The following SUGCT variants were observed in gnomAD, a reference collection of about 807,000 sequenced individuals.
SUGCT encodes succinyl-CoA:glutarate-CoA transferase, also known as succinyl-CoA:glutarate CoA-transferase.
A neutral mutation model predicts 55.0 loss-of-function variants in SUGCT; 41 were observed. The ratio of observed to expected loss-of-function variants is 0.74; its 90% CI spans 0.58 to 0.97. The LOEUF is 0.97. Ranked by LOEUF, SUGCT falls within the 50% of genes least tolerant of loss-of-function variation. The pLI is 0.00. For synonymous variants in SUGCT, 187 were observed against 200.4 expected, an observed-to-expected ratio of 0.93 and a Z score of 0.56; for missense variants, 568 against 547.8, an observed-to-expected ratio of 1.04 and a Z score of -0.37.
intron 12 of SUGCT, among the ~76,000 whole-genome samples, chr7:40,694,933 A>G (rs902670500): frequency 6.6e-5 from 10 of 152,274 alleles, no homozygotes; most frequent in Admixed American, 6.5e-4. Context: ...TCACTTGGTG[A>G]CCTGCTCAGC....
chr7:40,721,450 T>A (rs1285980411), intron 12 of SUGCT, among the ~76,000 whole-genome samples: 1 of 152,196 alleles, frequency 6.6e-6, no homozygotes, highest in Non-Finnish European at 1.5e-5. Flanking sequence ...TCTCAGAGGA[T>A]CTCACTGTGA....
At chr7:40,898,235 C>T in the SUGCT span, among the ~76,000 whole-genome samples, 5 of 152,102 alleles carry the variant, frequency 3.3e-5, no homozygotes, top group Non-Finnish European at 2.9e-5. Context: ...CAAAGGTTTC[C>T]AGCTTTCACT....
intron 9 of SUGCT, among the ~76,000 whole-genome samples, chr7:40,378,241 G>C (rs1179223265): frequency 6.6e-6 from 1 of 151,212 alleles, no homozygotes; most frequent in African/African-American, 2.4e-5. Context: ...TGGGACTCCT[G>C]TTGTGCACCT....
intron 13 of SUGCT, among the ~76,000 whole-genome samples, chr7:40,838,535 A>T (rs1263301553): frequency 6.6e-6 from 1 of 152,060 alleles, no homozygotes; most frequent in African/African-American, 2.4e-5. Context: ...TTGTGTTTTT[A>T]ATTTCAGTTT....
intron 12 of SUGCT, among the ~76,000 whole-genome samples, chr7:40,630,013 C>T (rs529340629): frequency 4.6e-5 from 7 of 152,264 alleles, no homozygotes; most frequent in Non-Finnish European, 1.0e-4. Flanking sequence ...GGATTACCAG[C>T]CTGTATTGCC....
the SUGCT span, among the ~76,000 whole-genome samples, chr7:40,952,362 G>C: frequency 2.6e-5 from 4 of 151,876 alleles, no homozygotes; most frequent in Non-Finnish European, 5.9e-5. Context: ...CACATGAGAT[G>C]GGTTTCCTGA....
intron 13 of SUGCT, among the ~76,000 whole-genome samples, chr7:40,761,627 G>T (rs905299134): frequency 6.6e-6 from 1 of 152,182 alleles, no homozygotes; most frequent in African/African-American, 2.4e-5. Flanking sequence ...TGCCTAAGAG[G>T]GAGATATCGA....
intron 9 of SUGCT, among the ~76,000 whole-genome samples, chr7:40,442,642 T>G (rs1218992295): frequency 6.6e-6 from 1 of 152,052 alleles, no homozygotes. Flanking sequence ...TACCTGGGAG[T>G]TGGGACTTGC....
chr7:40,685,028 T>G (rs1399041375), intron 12 of SUGCT, among the ~76,000 whole-genome samples: 1 of 151,920 alleles, frequency 6.6e-6, no homozygotes, highest in Non-Finnish European at 1.5e-5. Flanking sequence ...TTTATTTTTA[T>G]TTTTTTTCAG....
chr7:41,021,128 A>C, the SUGCT span, among the ~76,000 whole-genome samples: 1 of 152,202 alleles, frequency 6.6e-6, no homozygotes, highest in African/African-American at 2.4e-5. Context: ...AAGTGTAGGG[A>C]AGAGTAGAAA....
chr7:40,918,606 A>T, the SUGCT span, among the ~76,000 whole-genome samples: 3 of 152,292 alleles, frequency 2.0e-5, no homozygotes, highest in East Asian at 5.8e-4. Context: ...CAGACCTTAT[A>T]ACCATTCTCC....
chr7:40,870,809 A>C, the SUGCT span, among the ~76,000 whole-genome samples: 1 of 152,086 alleles, frequency 6.6e-6, no homozygotes, highest in African/African-American at 2.4e-5. Flanking sequence ...ATTTATATCA[A>C]TATGGACTAG....
intron 6 of SUGCT, among the ~76,000 whole-genome samples, chr7:40,208,706 G>A (rs562190188): frequency 4.6e-5 from 7 of 152,008 alleles, no homozygotes; most frequent in African/African-American, 1.7e-4. Flanking sequence ...CGCCATGTCC[G>A]GATAATTTTT....
chr7:40,465,388 T>C (rs544433052), intron 11 of SUGCT, among the ~76,000 whole-genome samples: 37 of 152,214 alleles, frequency 2.4e-4, no homozygotes, highest in Non-Finnish European at 3.5e-4. Flanking sequence ...GGCAGGCAGA[T>C]CACCTGAGGT....
chr7:40,769,847 C>G (rs1789001687), intron 13 of SUGCT, among the ~76,000 whole-genome samples: 1 of 152,184 alleles, frequency 6.6e-6, no homozygotes, highest in South Asian at 2.1e-4. Flanking sequence ...GATCCCTAAA[C>G]AAGGTAGCCA....
chr7:40,303,546 C>T (rs769706390), intron 8 of SUGCT, among the ~76,000 whole-genome samples: 3 of 151,592 alleles, frequency 2.0e-5, no homozygotes, highest in South Asian at 4.2e-4. Context: ...TACAGTGGCG[C>T]GATCTTGACT....
At chr7:40,307,583 G>T (rs570023031) in intron 8 of SUGCT, among the ~76,000 whole-genome samples, 2 of 152,140 alleles carry the variant, frequency 1.3e-5, no homozygotes, top group Non-Finnish European at 2.9e-5. Context: ...GGTCATCATA[G>T]TACCTCTCCC....
At chr7:40,337,176 G>A (rs4332042) in intron 9 of SUGCT, among the ~76,000 whole-genome samples, 2,888 of 152,234 alleles carry the variant, frequency 0.019, 31 homozygotes, top group Non-Finnish European at 0.029. Flanking sequence ...TGACTATGTG[G>A]TCAATTTTGG....
chr7:40,528,495 A>G (rs767157681), intron 12 of SUGCT, among the ~76,000 whole-genome samples: 11 of 152,172 alleles, frequency 7.2e-5, no homozygotes, highest in Non-Finnish European at 1.5e-4. Context: ...AGAATGGAAA[A>G]TTCTGTTTTA....
Sources: allele counts gnomAD v4.1 joint callset (sites outside exome capture counted in the v4.1 genomes callset), GRCh38; gene constraint gnomAD v4.1.1; transcripts MANE v1.5; gene names NCBI Gene and HGNC (gene_info 2026-07-23, HGNC 2026-07-21).